THSD7A: variants seen among roughly 807,000 people sequenced by gnomAD.
THSD7A encodes the protein thrombospondin type 1 domain containing 7A, also known as thrombospondin type-1 domain-containing protein 7A.
Under a neutral mutation model 231.3 loss-of-function variants are expected in THSD7A, and 96 were observed. That is an observed-to-expected ratio of 0.41 (90% CI 0.35 to 0.49). The LOEUF is 0.49. Among genes scored for constraint, THSD7A ranks in the 20% least tolerant of loss-of-function variants. The probability of loss-of-function intolerance (pLI) is 0.05; values close to 1 mark genes in which losing one functional copy is unlikely to be tolerated. For missense variants in THSD7A, 2,290 were observed against 2,070.2 expected (o/e 1.11, Z -2.06); for synonymous variants, 940 against 743.3 (o/e 1.26, Z -4.30).
Position 11,807,012 on chromosome 7 carries a change from C to A in THSD7A, c.190+24745G>T, listed in dbSNP as rs551015657. Among the ~76,000 whole-genome samples, 193 of 151,974 alleles carry A rather than the reference C, an allele frequency of 1.3e-3. 1 individual carries two copies. Among genetic ancestry groups the A allele is most frequent in the African/African-American group, 3.5e-3 (147 of 41,448 alleles). ...TCTCTCTAAATATATATATATATATCTCTTTCTTCTTCTTTCTCTCTCACT... is the reference window on the plus strand; with the variant it reads ...TCTCTCTAAATATATATATATATATATCTTTCTTCTTCTTTCTCTCTCACT... On this transcript the variant is annotated intron_variant, in intron 1 of 27. Coordinates refer to ENST00000423059, the MANE Select transcript of THSD7A (RefSeq NM_015204.3).
intron 1 of THSD7A, among the ~76,000 whole-genome samples, chr7:11,795,213 A>C (rs954497530): frequency 1.3e-5 from 2 of 152,012 alleles, no homozygotes; most frequent in Non-Finnish European, 2.9e-5. Flanking sequence ...CCAAAATTAA[A>C]AACATACATT....
Position 11,409,431 on chromosome 7 carries a change from G to C in THSD7A, c.3798+1776C>G, listed in dbSNP as rs151286727. On this transcript the variant is annotated intron_variant, in intron 19 of 27. Coordinates refer to ENST00000423059, the MANE Select transcript of THSD7A (RefSeq NM_015204.3). ...TGCCATGCAACATTCAAATATTGTA[G>C]TATTTGCATGTAAGCTTAAAGTCAT... Among the ~76,000 whole-genome samples, 1,122 of 152,256 alleles carry C rather than the reference G, an allele frequency of 7.4e-3. 13 individuals carry two copies. Among genetic ancestry groups the C allele is most frequent in the African/African-American group, 0.026 (1,073 of 41,546 alleles).
chr7:11,536,296 C>G (rs573544966), intron 6 of THSD7A, among the ~76,000 whole-genome samples: 1 of 152,158 alleles, frequency 6.6e-6, no homozygotes, highest in Non-Finnish European at 1.5e-5. Context: ...TTCCTTACCA[C>G]ATAATTGGAT....
intron 13 of THSD7A, among the ~76,000 whole-genome samples, chr7:11,443,546 T>C (rs1784869457): frequency 6.6e-6 from 1 of 152,024 alleles, no homozygotes; most frequent in Non-Finnish European, 1.5e-5. Context: ...TATATTAACC[T>C]GAAACATACT....
intron 6 of THSD7A, among the ~76,000 whole-genome samples, chr7:11,517,454 C>G (rs1245805397): frequency 6.7e-6 from 1 of 149,604 alleles, no homozygotes; most frequent in Non-Finnish European, 1.5e-5. Flanking sequence ...CCTCCTGAAA[C>G]AGGGAATATC....
chr7:11,477,282 A>T (rs1358198577), intron 7 of THSD7A, among the ~76,000 whole-genome samples: 4 of 152,174 alleles, frequency 2.6e-5, no homozygotes, highest in Non-Finnish European at 5.9e-5. Flanking sequence ...TATTTTGTAC[A>T]ATGTCTTCCA....
intron 4 of THSD7A, among the ~76,000 whole-genome samples, chr7:11,555,192 G>C (rs541953124): frequency 6.6e-6 from 1 of 151,558 alleles, no homozygotes; most frequent in Non-Finnish European, 1.5e-5. Flanking sequence ...TTTGATTATT[G>C]ATTTGTGTCT....
At chr7:11,761,409 T>G (rs1782851916) in intron 1 of THSD7A, among the ~76,000 whole-genome samples, 1 of 152,090 alleles carries the variant, frequency 6.6e-6, no homozygotes, top group African/African-American at 2.4e-5. Context: ...CATACTTTCT[T>G]AGAGCTTTAT....
intron 1 of THSD7A, among the ~76,000 whole-genome samples, chr7:11,806,200 G>T (rs1437472410): frequency 3.3e-5 from 5 of 152,128 alleles, no homozygotes. Flanking sequence ...CAAGCACCAT[G>T]CAGGTCAGGA....
intron 6 of THSD7A, among the ~76,000 whole-genome samples, chr7:11,535,337 T>C (rs1232736086): frequency 6.6e-6 from 1 of 152,120 alleles, no homozygotes; most frequent in Non-Finnish European, 1.5e-5. Context: ...ACACATATAC[T>C]AACAGATAGC....
intron 1 of THSD7A, among the ~76,000 whole-genome samples, chr7:11,795,052 G>C (rs536330435): frequency 5.9e-5 from 9 of 152,026 alleles, no homozygotes; most frequent in African/African-American, 2.2e-4. Flanking sequence ...CTAAAAGTTA[G>C]AGGACTTACA....
chr7:11,529,077 T>C (rs182375911), intron 6 of THSD7A, among the ~76,000 whole-genome samples: 117 of 152,252 alleles, frequency 7.7e-4, no homozygotes, highest in African/African-American at 2.6e-3. Flanking sequence ...ATAGTTCTTA[T>C]GTTATACAAA....
chr7:11,598,146 A>T (rs1258830481), intron 2 of THSD7A, among the ~76,000 whole-genome samples: 1 of 152,094 alleles, frequency 6.6e-6, no homozygotes, highest in Non-Finnish European at 1.5e-5. Flanking sequence ...ATGGGAGGAG[A>T]AATGGCCTGA....
chr7:11,460,669 C>T lies in THSD7A; in HGVS notation c.2598G>A (p.Gln866=). ...TGGAATGGGGCCTCCCACCTCTTGC[C>T]TGTCGCCCAGGCCCACAGCCTTCCT... ...GAQEGCGPGR[Q]ARAITCRKQD... is the part of the protein sequence containing the mutation. Residue 866 remains glutamine (Q), a synonymous_variant, in exon 11 of 28, where the codon CAG becomes CAA. Coordinates refer to ENST00000423059, the MANE Select transcript of THSD7A (RefSeq NM_015204.3). 2 of 1,608,618 alleles carry T rather than the reference C, an allele frequency of 1.2e-6. No individual in the cohort carries two copies. Among genetic ancestry groups the T allele is most frequent in the Non-Finnish European group, 1.7e-6 (2 of 1,177,568 alleles).
At chr7:11,520,621 T>A (rs949101012) in intron 6 of THSD7A, among the ~76,000 whole-genome samples, 1 of 152,166 alleles carries the variant, frequency 6.6e-6, no homozygotes, top group Non-Finnish European at 1.5e-5. Context: ...TATGAGTACA[T>A]AATATTTTTA....
At chr7:11,575,924 T>G (rs1040956106) in intron 4 of THSD7A, among the ~76,000 whole-genome samples, 10 of 152,200 alleles carry the variant, frequency 6.6e-5, no homozygotes, top group African/African-American at 2.4e-4. Context: ...GTCTTTTTTA[T>G]GAAGGCCCAC....
intron 2 of THSD7A, among the ~76,000 whole-genome samples, chr7:11,623,595 G>C (rs762806818): frequency 9.2e-5 from 14 of 152,118 alleles, no homozygotes; most frequent in Non-Finnish European, 1.5e-4. Flanking sequence ...TTCAGGATTA[G>C]AGAAAGTAAG....
At chr7:11,563,011 C>T (rs186060991) in intron 4 of THSD7A, among the ~76,000 whole-genome samples, 61 of 152,276 alleles carry the variant, frequency 4.0e-4, no homozygotes, top group South Asian at 1.7e-3. Flanking sequence ...TAAAAATTCA[C>T]GCAGTAATTG....
At chr7:11,489,437 T>C (rs1180771351) in intron 6 of THSD7A, among the ~76,000 whole-genome samples, 1 of 152,106 alleles carries the variant, frequency 6.6e-6, no homozygotes, top group Non-Finnish European at 1.5e-5. Context: ...CTTTGTAATG[T>C]ATGTAAATCT....
Sources: gnomAD v4.1 joint callset for allele counts (sites outside exome capture counted in the v4.1 genomes callset) on GRCh38, gnomAD v4.1.1 for gene constraint, MANE v1.5 for transcripts, NCBI Gene and HGNC (gene_info 2026-07-23, HGNC 2026-07-21) for gene names.